Variants in LAMB4 observed in about 807,000 individuals in gnomAD.
LAMB4 encodes laminin subunit beta-4.
In LAMB4, 196 loss-of-function variants were observed where a neutral mutation model predicts 199.2. That is an observed-to-expected ratio of 0.98 (90% CI 0.88 to 1.11). The LOEUF (loss-of-function observed/expected upper bound fraction) is 1.11, where lower values mean the gene tolerates loss of function less well. Ranked by LOEUF, LAMB4 falls within the 50% of genes least tolerant of loss-of-function variation. LAMB4 has a pLI of 0.00. For synonymous variants in LAMB4, 744 were observed against 770.6 expected (o/e 0.97, Z 0.57); for missense variants, 2,080 against 2,171.2 (o/e 0.96, Z 0.83).
intron 2 of LAMB4, among the ~76,000 whole-genome samples, chr7:108,121,265 G>T (rs1207251308): frequency 6.6e-6 from 1 of 152,110 alleles, no homozygotes; most frequent in Non-Finnish European, 1.5e-5. Context: ...AAAATATACA[G>T]TAAATTTTCT....
At chr7:108,028,472 A>ATTTTT (rs1195925912) in intron 33 of LAMB4, among the ~76,000 whole-genome samples, 4 of 111,786 alleles carry the variant, frequency 3.6e-5, no homozygotes, top group Non-Finnish European at 5.5e-5. Context: ...AAAAAAGGGC[A>ATTTTT]TTTTTTTTTT....
chr7:108,055,466 C>T (rs111857053), intron 25 of LAMB4, among the ~76,000 whole-genome samples, 166 bp downstream of exon 25: 24 of 152,264 alleles, frequency 1.6e-4, no homozygotes, highest in African/African-American at 4.8e-4. Flanking sequence ...GGATTACAAG[C>T]GTGAGCTATG....
intron 1 of LAMB4, among the ~76,000 whole-genome samples, chr7:108,127,038 T>G (rs2038813846): frequency 6.6e-6 from 1 of 152,118 alleles, no homozygotes; most frequent in Non-Finnish European, 1.5e-5. Flanking sequence ...TAGCCAGGGT[T>G]GAGAACCACT....
At position 108,104,643 on chromosome 7, in the gene LAMB4, G is replaced by A. The variant is rs115703593; in HGVS notation, c.871-24C>T. The A allele has an allele frequency of 5.9e-4, 952 of 1,608,980 alleles. 8 individuals carry two copies. In the African/African-American group the frequency reaches 9.2e-3, roughly 16 times the overall value. On this transcript the variant is annotated intron_variant, in intron 8 of 33. Transcript: ENST00000388781. ...ACCTGCATTGTGCAATAAATAGAGC[G>A]TTGAAAGAGGGCTTGTCCTTGGGGA...
At chr7:108,032,903 G>A (rs926874843) in intron 31 of LAMB4, among the ~76,000 whole-genome samples, 1 of 152,138 alleles carries the variant, frequency 6.6e-6, no homozygotes, top group Admixed American at 6.5e-5. Flanking sequence ...CTGCTGTCAA[G>A]TTAGTGCTTG....
chr7:108,033,258 T>C (rs1226983969), intron 31 of LAMB4, among the ~76,000 whole-genome samples: 1 of 152,200 alleles, frequency 6.6e-6, no homozygotes, highest in Non-Finnish European at 1.5e-5. Flanking sequence ...CCATAGACAA[T>C]ACAGCCTGTG....
At chr7:108,088,021 T>C (rs1206753637) in intron 14 of LAMB4, among the ~76,000 whole-genome samples, 1 of 152,228 alleles carries the variant, frequency 6.6e-6, no homozygotes, top group African/African-American at 2.4e-5. Context: ...TGGCCATTCA[T>C]GAATGGTTTA....
intron 29 of LAMB4, among the ~76,000 whole-genome samples, chr7:108,041,657 T>C (rs991173520): frequency 6.6e-6 from 1 of 152,106 alleles, no homozygotes; most frequent in Non-Finnish European, 1.5e-5. Flanking sequence ...GAAAACCAAA[T>C]ACCGCATGTT....
At chr7:108,079,492 T>G in intron 15 of LAMB4, 109 bp downstream of exon 15, 1 of 982,862 alleles carries the variant, frequency 1.0e-6, no homozygotes. Flanking sequence ...TGTTCACTTT[T>G]TACAAATCCT....
At chr7:108,086,963 C>A (rs755578536) in intron 14 of LAMB4, among the ~76,000 whole-genome samples, 1 of 152,078 alleles carries the variant, frequency 6.6e-6, no homozygotes, top group Non-Finnish European at 1.5e-5. Context: ...GCGACTCATT[C>A]CCCAGTCTCC....
chr7:108,066,934 T>C (rs2036365879), intron 19 of LAMB4, among the ~76,000 whole-genome samples: 1 of 151,250 alleles, frequency 6.6e-6, no homozygotes, highest in South Asian at 2.1e-4. Context: ...ATAGTATATA[T>C]AAATACTATA....
intron 31 of LAMB4, among the ~76,000 whole-genome samples, chr7:108,031,946 T>C (rs2035054199): frequency 6.6e-6 from 1 of 152,232 alleles, no homozygotes; most frequent in Non-Finnish European, 1.5e-5. Flanking sequence ...AGACATTGTC[T>C]CTTGTTTGTT....
At chr7:108,017,338 C>T in the LAMB4 span, among the ~76,000 whole-genome samples, 1 of 152,198 alleles carries the variant, frequency 6.6e-6, no homozygotes, top group South Asian at 2.1e-4. Flanking sequence ...GACATCCTAC[C>T]TAGGCTGTTT....
chr7:108,037,659 A>G, intron 29 of LAMB4, 64 bp from the exon 30 acceptor site: 1 of 1,247,730 alleles, frequency 8.0e-7, no homozygotes, highest in East Asian at 2.3e-5. Context: ...TCTTAAAAGT[A>G]TAACCACAAT....
intron 24 of LAMB4, among the ~76,000 whole-genome samples, chr7:108,056,971 C>CA (rs553536221): frequency 0.027 from 1,371 of 51,096 alleles, 11 homozygotes; most frequent in South Asian, 0.043. Context: ...GACCCTGTCT[C>CA]AAAAAAAAAA....
chr7:108,096,291 A>G (rs1483118575), intron 11 of LAMB4, among the ~76,000 whole-genome samples: 1 of 152,190 alleles, frequency 6.6e-6, no homozygotes, highest in Non-Finnish European at 1.5e-5. Context: ...TTTACTTTGC[A>G]TAATGTTCTT....
Position 108,079,636 on chromosome 7 carries a change from C to T in LAMB4, c.1852G>A (p.Val618Met), listed in dbSNP as rs756711206. The change falls in exon 15 of 34, where the codon GTG becomes ATG. Residue 618 changes from valine (V) to methionine (M), a missense_variant. Transcript: ENST00000388781. The part of the protein sequence containing the change: ...RFAVNNIPFP[V>M]DFTIAIHYET... ...TAGTGAATGGCAATGGTGAAGTCCA[C>T]AGGAAAGGGAATGTTGTTGACAGCA... is the stretch of plus-strand genomic sequence containing the variant. 142 of 1,611,814 alleles carry T rather than the reference C, an allele frequency of 8.8e-5. No homozygotes were observed. The highest frequency in any genetic ancestry group is 1.2e-4 in the Non-Finnish European group (140 of 1,179,230).
chr7:108,102,757 C>A (rs139802596), intron 10 of LAMB4, among the ~76,000 whole-genome samples: 1 of 152,180 alleles, frequency 6.6e-6, no homozygotes, highest in East Asian at 1.9e-4. Context: ...CCAATTTTAC[C>A]ACTTTGGTTC....
downstream of LAMB4, among the ~76,000 whole-genome samples, chr7:108,022,242 A>G (rs7785450): frequency 1.1e-3 from 160 of 152,368 alleles, no homozygotes; most frequent in African/African-American, 3.6e-3. Flanking sequence ...ATTGCATCCA[A>G]GAACTCAGAC....
Sources: allele counts gnomAD v4.1 joint callset (sites outside exome capture counted in the v4.1 genomes callset), GRCh38; gene constraint gnomAD v4.1.1; transcripts MANE v1.5; gene names NCBI Gene and HGNC (gene_info 2026-07-23, HGNC 2026-07-21).